The following LARP4 variants were observed in gnomAD, a reference collection of about 807,000 sequenced individuals.
The protein encoded by LARP4 is La ribonucleoprotein 4, also known as la-related protein 4.
LARP4 carries 29 observed loss-of-function variants against 92.9 expected under a neutral mutation model. The ratio of observed to expected loss-of-function variants is 0.31; its 90% CI spans 0.23 to 0.43. The LOEUF is 0.43. Among genes scored for constraint, LARP4 ranks in the 20% least tolerant of loss-of-function variants. LARP4 has a pLI of 1.00. For missense variants in LARP4, 732 were observed against 860.0 expected, an observed-to-expected ratio of 0.85 and a Z score of 1.86; for synonymous variants, 279 against 284.1, an observed-to-expected ratio of 0.98 and a Z score of 0.18.
At chr12:50,456,418 A>C (rs773068320) in intron 10 of LARP4, among the ~76,000 whole-genome samples, 2 of 152,200 alleles carry the variant, frequency 1.3e-5, no homozygotes, top group Non-Finnish European at 2.9e-5. Flanking sequence ...CTTCTGGACC[A>C]GCAACCCAAA....
At chr12:50,464,820 A>T in intron 12 of LARP4, among the ~76,000 whole-genome samples, 1 of 151,250 alleles carries the variant, frequency 6.6e-6, no homozygotes, top group Non-Finnish European at 1.5e-5. Context: ...TCTCCCAAGT[A>T]GCTGGAATTA....
chr12:50,404,242 A>C (rs1441267209), intron 1 of LARP4, among the ~76,000 whole-genome samples: 2 of 152,176 alleles, frequency 1.3e-5, no homozygotes, highest in Non-Finnish European at 2.9e-5. Flanking sequence ...AAAGAAACTA[A>C]GGCACATATA....
chr12:50,449,493 A>G (rs1952765700), intron 8 of LARP4, among the ~76,000 whole-genome samples: 1 of 152,082 alleles, frequency 6.6e-6, no homozygotes, highest in Admixed American at 6.6e-5. Flanking sequence ...GCTATCATGG[A>G]AAGTAGCTAG....
At chr12:50,450,259 C>T (rs2138130205) in intron 8 of LARP4, among the ~76,000 whole-genome samples, 1 of 152,124 alleles carries the variant, frequency 6.6e-6, no homozygotes, top group African/African-American at 2.4e-5. Context: ...GGTTACCTTG[C>T]TGTGCAGTTT....
Position 50,466,993 on chromosome 12 carries a change from C to T in LARP4, c.1418C>T (p.Pro473Leu). ...PHPSTAESKA[P>L]TPKFDLLASN... ...CCTTCAACAGCTGAATCAAAGGCTC[C>T]AACACCAAAGTTTGACTTATTAGCC... The change falls in exon 13 of 16, where the codon CCA (proline) becomes CTA (leucine). Residue 473 changes from proline to leucine, a missense_variant. By Grantham distance (98) the Pro-to-Leu change is moderately conservative. Transcript: ENST00000398473. 1.2e-6 allele frequency: 2 copies of T among 1,612,606 alleles called. No homozygotes were observed. Among genetic ancestry groups the T allele is most frequent in the Non-Finnish European group, 1.7e-6 (2 of 1,179,212 alleles).
At chr12:50,467,223 CAT>C in intron 13 of LARP4, 103 bp downstream of exon 13, 1 of 850,668 alleles carries the variant, frequency 1.2e-6, no homozygotes, top group Non-Finnish European at 1.7e-6. Flanking sequence ...ACATTTCTAT[CAT>C]AGTTTTTATT....
chr12:50,401,246 T>A, intron 1 of LARP4: 1 of 620,032 alleles, frequency 1.6e-6, no homozygotes, highest in East Asian at 2.7e-5. Flanking sequence ...GGAGAAGAAT[T>A]GAAGGAGAAA....
intron 1 of LARP4, among the ~76,000 whole-genome samples, chr12:50,403,968 A>AGG (rs1337327595): frequency 2.0e-5 from 3 of 152,144 alleles, no homozygotes; most frequent in Non-Finnish European, 4.4e-5. Context: ...TCATGCCTGT[A>AGG]ATCCCAGCAC....
intron 10 of LARP4, among the ~76,000 whole-genome samples, chr12:50,456,961 G>T (rs1954373313): frequency 6.6e-6 from 1 of 152,118 alleles, no homozygotes; most frequent in Admixed American, 6.6e-5. Flanking sequence ...TCACCGGGCT[G>T]TAGTGTAGTG....
At chr12:50,463,176 C>T (rs1955668738) in intron 12 of LARP4, among the ~76,000 whole-genome samples, 2 of 151,682 alleles carry the variant, frequency 1.3e-5, no homozygotes, top group African/African-American at 4.8e-5. Flanking sequence ...CACCGTGGCT[C>T]GTGCCTGTCA....
chr12:50,462,529 CTT>C (rs1282070462), intron 11 of LARP4, 51 bp from the exon 12 acceptor site: 18 of 976,742 alleles, frequency 1.8e-5, no homozygotes, highest in Non-Finnish European at 1.4e-5. Context: ...TCTGAAGAAA[CTT>C]ATGACTTGTC....
intron 4 of LARP4, among the ~76,000 whole-genome samples, 172 bp from the exon 5 acceptor site, chr12:50,435,316 T>C (rs1301462853): frequency 6.6e-6 from 1 of 152,212 alleles, no homozygotes; most frequent in Admixed American, 6.5e-5. Context: ...CATTAGTATC[T>C]TTTGAATTGA....
intron 4 of LARP4, among the ~76,000 whole-genome samples, chr12:50,434,268 G>GT (rs1324220515): frequency 6.6e-6 from 1 of 152,096 alleles, no homozygotes; most frequent in African/African-American, 2.4e-5. Flanking sequence ...AATATTTGAT[G>GT]TGAATAGCAA....
rs749830137 is a variant in LARP4, at chr12:50,427,889, C to G, written c.146C>G (p.Thr49Arg). Residue 49 changes from threonine to arginine, a missense_variant, in exon 2 of 16, where the codon ACA becomes AGA. Physicochemically the swap from Thr to Arg is moderately conservative, Grantham distance 71 (BLOSUM62 -1). Transcript: ENST00000398473. ...AGCTCTTGGCATGAAATAGCAGCTA[C>G]ATCAGGTGCTCATCCTGAGGGTAAG... ...TESSWHEIAA[T>R]SGAHPEGNAE... 11 of 1,594,178 alleles carry G rather than the reference C, an allele frequency of 6.9e-6. No individual in the cohort carries two copies. Among genetic ancestry groups the G allele is most frequent in the Non-Finnish European group, 8.6e-6 (10 of 1,166,908 alleles).
intron 1 of LARP4, among the ~76,000 whole-genome samples, chr12:50,421,711 A>C (rs1176926771): frequency 6.6e-6 from 1 of 152,164 alleles, no homozygotes; most frequent in South Asian, 2.1e-4. Context: ...TGGGGAGAAC[A>C]CCAATCTGGT....
chr12:50,471,162 C>T (rs1435230117), intron 13 of LARP4, among the ~76,000 whole-genome samples: 2 of 152,088 alleles, frequency 1.3e-5, no homozygotes, highest in African/African-American at 4.8e-5. Context: ...TTATAATTTA[C>T]AAACCATTCT....
At position 50,420,195 on chromosome 12, in the gene LARP4, A is replaced by AAAAATATAAAATAT. The variant is rs1402009428; in HGVS notation, c.19-7556_19-7555insTATAAAATATAAAA. On this transcript the variant is annotated intron_variant, in intron 1 of 15. Coordinates refer to ENST00000398473, the MANE Select transcript of LARP4 (RefSeq NM_052879.5). ...GAACTAAAAGAAACTTTAAGAAATG[A>AAAAATATAAAATAT]AAAATATAAAAAGGGAGCTTAGAAA... 9.9e-4 allele frequency among the ~76,000 whole-genome samples: 150 copies of AAAAATATAAAATAT among 152,278 alleles called. 1 individual carries two copies. Among genetic ancestry groups the AAAAATATAAAATAT allele is most frequent in the African/African-American group, 3.5e-3 (145 of 41,570 alleles).
Position 50,404,750 on chromosome 12 carries a change from C to T in LARP4, c.18+3722C>T, listed in dbSNP as rs576578722. Reference sequence around the variant, plus strand: ...TGTTGCCCAGGCTGGAGTGCAGTGGCGCCATCTCGGCTCACTGCAACCTCC... The same window carrying T: ...TGTTGCCCAGGCTGGAGTGCAGTGGTGCCATCTCGGCTCACTGCAACCTCC... On this transcript the variant is annotated intron_variant, in intron 1 of 15. Transcript: ENST00000398473. Among the ~76,000 whole-genome samples the T allele has an allele frequency of 2.1e-3, 297 of 141,502 alleles. 1 individual carries two copies. The highest frequency in any genetic ancestry group is 6.9e-3 in the African/African-American group (262 of 37,820). 92.8% of individuals were successfully genotyped at this position (141,502 alleles called of 152,430 possible).
intron 10 of LARP4, chr12:50,454,699 G>A: frequency 3.7e-6 from 1 of 267,182 alleles, no homozygotes; most frequent in African/African-American, 2.2e-5. Context: ...CAAATCTGGT[G>A]ACTAATTTCC....
Sources: allele counts gnomAD v4.1 joint callset (sites outside exome capture counted in the v4.1 genomes callset), GRCh38; gene constraint gnomAD v4.1.1; transcripts MANE v1.5; gene names NCBI Gene and HGNC (gene_info 2026-07-23, HGNC 2026-07-21).